Variants in ACER3 observed in about 807,000 individuals in gnomAD.
ACER3 encodes alkaline ceramidase 3, also known as alkCDase 3.
A neutral mutation model predicts 48.9 loss-of-function variants in ACER3; 16 were observed. The ratio of observed to expected loss-of-function variants is 0.33; its 90% CI spans 0.22 to 0.50. The LOEUF (loss-of-function observed/expected upper bound fraction) is 0.50, where lower values mean the gene tolerates loss of function less well. ACER3 is among the 20% of genes least tolerant of loss of function. The probability of loss-of-function intolerance (pLI) is 0.98; values close to 1 mark genes in which losing one functional copy is unlikely to be tolerated. For synonymous variants in ACER3, 109 were observed against 107.8 expected (o/e 1.01, Z -0.07); for missense variants, 227 against 326.0 (o/e 0.70, Z 2.34).
chr11:76,902,476 G>GT (rs1183305074), intron 1 of ACER3, among the ~76,000 whole-genome samples: 3 of 152,096 alleles, frequency 2.0e-5, no homozygotes, highest in Non-Finnish European at 2.9e-5. Context: ...TTCCCTTTTT[G>GT]TTTTTTTACA....
At chr11:76,920,404 G>T (rs140422000) in intron 1 of ACER3, among the ~76,000 whole-genome samples, 2 of 152,248 alleles carry the variant, frequency 1.3e-5, no homozygotes, top group African/African-American at 4.8e-5. Context: ...CGGCTATTCA[G>T]TGAACCATGG....
At chr11:76,982,707 A>C (rs1416172457) in intron 4 of ACER3, among the ~76,000 whole-genome samples, 2 of 152,184 alleles carry the variant, frequency 1.3e-5, no homozygotes, top group African/African-American at 4.8e-5. Context: ...AATGTTCATG[A>C]ATAGTGTTTT....
chr11:76,898,761 G>A (rs918527277), intron 1 of ACER3, among the ~76,000 whole-genome samples: 4 of 151,458 alleles, frequency 2.6e-5, no homozygotes, highest in Non-Finnish European at 2.9e-5. Context: ...AAAATTAACC[G>A]GGCGTAGTGG....
chr11:76,923,111 G>T (rs928895094), intron 1 of ACER3, among the ~76,000 whole-genome samples: 3 of 150,738 alleles, frequency 2.0e-5, no homozygotes, highest in Non-Finnish European at 3.0e-5. Flanking sequence ...ACCCTTCTTT[G>T]CTTCCCACTG....
intron 6 of ACER3, among the ~76,000 whole-genome samples, chr11:76,996,946 G>A (rs959547331): frequency 6.6e-6 from 1 of 150,540 alleles, no homozygotes; most frequent in Non-Finnish European, 1.5e-5. Flanking sequence ...GGCTAATCTC[G>A]AACTCCTGAC....
chr11:77,007,799 C>T (rs1365995400), intron 7 of ACER3, among the ~76,000 whole-genome samples: 2 of 152,180 alleles, frequency 1.3e-5, no homozygotes, highest in Non-Finnish European at 2.9e-5. Flanking sequence ...GGTTGAAGCA[C>T]CTTCTAATAC....
chr11:77,019,684 A>G, intron 9 of ACER3, 47 bp from the exon 10 acceptor site: 1 of 1,592,544 alleles, frequency 6.3e-7, no homozygotes, highest in Non-Finnish European at 8.6e-7. Flanking sequence ...GTTTGCATGA[A>G]TTCAAAATGA....
intron 1 of ACER3, among the ~76,000 whole-genome samples, chr11:76,883,378 A>G (rs1945582117): frequency 6.6e-6 from 1 of 151,526 alleles, no homozygotes; most frequent in South Asian, 2.1e-4. Context: ...AGGTGATCTA[A>G]AATCTTTGTC....
intron 1 of ACER3, among the ~76,000 whole-genome samples, chr11:76,867,468 CAAAAAAAAAAAAAAA>C (rs1156610809): frequency 5.1e-5 from 1 of 19,636 alleles, no homozygotes; most frequent in African/African-American, 1.6e-4. Flanking sequence ...GACTCTGTCT[CAAAAAAAAAAAAAAA>C]AAAAAAAAAA....
At chr11:76,940,596 G>A (rs1291536866) in intron 2 of ACER3, among the ~76,000 whole-genome samples, 1 of 152,138 alleles carries the variant, frequency 6.6e-6, no homozygotes, top group Non-Finnish European at 1.5e-5. Flanking sequence ...GAACAGAAGT[G>A]GGTAGCGATT....
chr11:76,933,173 C>CATATATATATATATATATATATAT lies in ACER3; in HGVS notation c.214+6526_214+6527insATATATATATATATATATATATAT, dbSNP rs144524712. 3.4e-3 allele frequency among the ~76,000 whole-genome samples: 437 copies of CATATATATATATATATATATATAT among 129,436 alleles called. 4 individuals are homozygous for CATATATATATATATATATATATAT. The highest frequency in any genetic ancestry group is 5.0e-3 in the Non-Finnish European group (303 of 60,268). 84.9% of individuals were successfully genotyped at this position (129,436 alleles called of 152,430 possible). The stretch of plus-strand genomic sequence containing the variant: ...TGCTTCCCCAAATATATACGTATTT[C>CATATATATATATATATATATATAT]ATATATATATATATATATATGAAAC... On this transcript the variant is annotated intron_variant, in intron 2 of 10. Transcript: ENST00000532485.
At chr11:77,009,221 G>C (rs913682321) in intron 7 of ACER3, among the ~76,000 whole-genome samples, 8 of 152,202 alleles carry the variant, frequency 5.3e-5, no homozygotes, top group Non-Finnish European at 2.9e-5. Flanking sequence ...TTCTGGGGAG[G>C]CCTCAGGAAG....
intron 1 of ACER3, chr11:76,868,239 A>G (rs527865815): frequency 7.8e-7 from 1 of 1,289,548 alleles, no homozygotes; most frequent in Non-Finnish European, 1.0e-6. Flanking sequence ...ATGAAGGAAG[A>G]TGCTCCTTTC....
chr11:76,891,258 A>AATAT (rs58631679), intron 1 of ACER3, among the ~76,000 whole-genome samples: 3 of 146,510 alleles, frequency 2.0e-5, no homozygotes, highest in Non-Finnish European at 4.5e-5. Flanking sequence ...ATATATATAT[A>AATAT]ATATATATAT....
chr11:76,904,735 G>A (rs1946174578), intron 1 of ACER3, among the ~76,000 whole-genome samples: 2 of 152,292 alleles, frequency 1.3e-5, no homozygotes, highest in African/African-American at 4.8e-5. Context: ...AGACTCCATG[G>A]TACCACCTCC....
At chr11:76,966,975 G>A (rs1948154339) in intron 3 of ACER3, among the ~76,000 whole-genome samples, 1 of 152,036 alleles carries the variant, frequency 6.6e-6, no homozygotes, top group Non-Finnish European at 1.5e-5. Context: ...AACTGAAGGA[G>A]ATAAAGACAC....
At chr11:76,868,350 G>C in intron 1 of ACER3, 1 of 1,166,698 alleles carries the variant, frequency 8.6e-7, no homozygotes, top group Non-Finnish European at 1.1e-6. Flanking sequence ...GACAAATTGA[G>C]TGTACAAAAG....
intron 1 of ACER3, among the ~76,000 whole-genome samples, chr11:76,910,265 A>G (rs1262413253): frequency 6.6e-6 from 1 of 152,194 alleles, no homozygotes; most frequent in Non-Finnish European, 1.5e-5. Flanking sequence ...CAGTACATAA[A>G]GTATAATAAT....
intron 2 of ACER3, among the ~76,000 whole-genome samples, chr11:76,945,188 T>C (rs910797500): frequency 2.6e-5 from 4 of 152,162 alleles, no homozygotes; most frequent in Non-Finnish European, 5.9e-5. Context: ...TCAAAATCAA[T>C]ATTTTGAATT....
Sources: allele counts gnomAD v4.1 joint callset (sites outside exome capture counted in the v4.1 genomes callset), GRCh38; gene constraint gnomAD v4.1.1; transcripts MANE v1.5; gene names NCBI Gene and HGNC (gene_info 2026-07-23, HGNC 2026-07-21).